Variants in REDIC1 observed in about 807,000 individuals in gnomAD.
REDIC1 encodes regulator of DNA class I crossover intermediates 1.
chr12:39,715,705 G>A, the REDIC1 span, among the ~76,000 whole-genome samples: 3 of 151,920 alleles, frequency 2.0e-5, no homozygotes, highest in Middle Eastern at 3.4e-3. Flanking sequence ...ACCAAAACGA[G>A]TGTTTAATTG....
chr12:39,794,380 A>G, the REDIC1 span, among the ~76,000 whole-genome samples: 1 of 152,168 alleles, frequency 6.6e-6, no homozygotes, highest in Non-Finnish European at 1.5e-5. Flanking sequence ...ATAAATTGGT[A>G]TTGTTAAATT....
chr12:39,768,585 G>A, the REDIC1 span, among the ~76,000 whole-genome samples: 4 of 152,082 alleles, frequency 2.6e-5, no homozygotes, highest in Non-Finnish European at 5.9e-5. Context: ...AGGGAATAGA[G>A]AGGCTCCAGG....
At chr12:39,892,770 C>A in the REDIC1 span, among the ~76,000 whole-genome samples, 1 of 151,950 alleles carries the variant, frequency 6.6e-6, no homozygotes, top group East Asian at 1.9e-4. Flanking sequence ...CCCTCTGCAA[C>A]ACAGGTAAAA....
the REDIC1 span, among the ~76,000 whole-genome samples, chr12:39,672,845 A>G: frequency 6.6e-6 from 1 of 152,114 alleles, no homozygotes; most frequent in Admixed American, 6.5e-5. Context: ...GCAGGATACC[A>G]TCTGTTGGGG....
chr12:39,801,866 G>C, the REDIC1 span, among the ~76,000 whole-genome samples: 1 of 152,176 alleles, frequency 6.6e-6, no homozygotes, highest in Admixed American at 6.6e-5. Flanking sequence ...AATTAGGAAA[G>C]CAGACATTAC....
chr12:39,708,659 T>G, the REDIC1 span, among the ~76,000 whole-genome samples: 3 of 151,776 alleles, frequency 2.0e-5, no homozygotes, highest in Non-Finnish European at 4.4e-5. Context: ...GTATTTGTGA[T>G]ATTACCTTTT....
chr12:39,638,973 C>A, the REDIC1 span, among the ~76,000 whole-genome samples: 1 of 151,966 alleles, frequency 6.6e-6, no homozygotes, highest in African/African-American at 2.4e-5. Context: ...TTACTGAGCT[C>A]TATAACATGG....
At chr12:39,633,549 A>G in the REDIC1 span, among the ~76,000 whole-genome samples, 474 of 152,352 alleles carry the variant, frequency 3.1e-3, 6 homozygotes, top group African/African-American at 0.011. Flanking sequence ...TAAACCAGTA[A>G]CACAGTCTTT....
chr12:39,720,714 A>G, the REDIC1 span: 1 of 1,120,096 alleles, frequency 8.9e-7, no homozygotes, highest in Non-Finnish European at 1.3e-6. Flanking sequence ...TTAAGAATAT[A>G]TTCTTTGAAG....
the REDIC1 span, among the ~76,000 whole-genome samples, chr12:39,836,306 G>T: frequency 6.6e-6 from 1 of 152,034 alleles, no homozygotes; most frequent in Non-Finnish European, 1.5e-5. Flanking sequence ...CTCAAATAGA[G>T]GAAATTAGAG....
At chr12:39,712,670 T>TGTGTATATATGTATATATACGTATAC in the REDIC1 span, among the ~76,000 whole-genome samples, 2 of 143,192 alleles carry the variant, frequency 1.4e-5, no homozygotes, top group African/African-American at 2.5e-5. Context: ...TATGTATACA[T>TGTGTATATATGTATATATACGTATAC]GTGTATATAT....
the REDIC1 span, among the ~76,000 whole-genome samples, chr12:39,726,321 C>T: frequency 6.6e-6 from 1 of 152,170 alleles, no homozygotes; most frequent in Non-Finnish European, 1.5e-5. Flanking sequence ...TAGCCCCCCA[C>T]ACCCCAACAG....
At chr12:39,800,513 C>T in the REDIC1 span, among the ~76,000 whole-genome samples, 1 of 125,328 alleles carries the variant, frequency 8.0e-6, no homozygotes, top group African/African-American at 3.1e-5. Context: ...CATCACTGGC[C>T]ATCAGAGAAA....
chr12:39,895,514 T>A, the REDIC1 span, among the ~76,000 whole-genome samples: 20 of 56,646 alleles, frequency 3.5e-4, no homozygotes, highest in African/African-American at 8.4e-4. Flanking sequence ...AAAAAAAAAA[T>A]TATATATATA....
the REDIC1 span, among the ~76,000 whole-genome samples, chr12:39,702,350 A>T: frequency 6.6e-6 from 1 of 152,144 alleles, no homozygotes. Context: ...TGGATAAATT[A>T]CTCAACACAT....
chr12:39,710,295 T>C, the REDIC1 span, among the ~76,000 whole-genome samples: 4 of 151,864 alleles, frequency 2.6e-5, no homozygotes, highest in South Asian at 2.1e-4. Flanking sequence ...GATTTTCATA[T>C]TGATGTTATA....
At chr12:39,905,410 T>C in the REDIC1 span, among the ~76,000 whole-genome samples, 1 of 152,136 alleles carries the variant, frequency 6.6e-6, no homozygotes, top group Admixed American at 6.6e-5. Flanking sequence ...TGGCTGCAGA[T>C]GACTAGCTGA....
the REDIC1 span, among the ~76,000 whole-genome samples, chr12:39,705,075 T>G: frequency 8.1e-4 from 122 of 150,780 alleles, no homozygotes; most frequent in Middle Eastern, 3.4e-3. Flanking sequence ...AGTATAATAA[T>G]AATAAATAAA....
chr12:39,788,956 T>C, the REDIC1 span, among the ~76,000 whole-genome samples: 6 of 152,268 alleles, frequency 3.9e-5, no homozygotes, highest in African/African-American at 1.2e-4. Context: ...ACTGTGTGTG[T>C]GTGCGCAAAC....
Sources: allele counts gnomAD v4.1 joint callset (sites outside exome capture counted in the v4.1 genomes callset), GRCh38; gene constraint gnomAD v4.1.1; transcripts MANE v1.5; gene names NCBI Gene and HGNC (gene_info 2026-07-23, HGNC 2026-07-21).